Variants in GALNT16 observed in about 807,000 individuals in gnomAD.
The protein encoded by GALNT16 is polypeptide N-acetylgalactosaminyltransferase 16, also known as UDP-GalNAc:polypeptide N-acetylgalactosaminyltransferase-like protein 1.
GALNT16 carries 40 observed loss-of-function variants against 76.1 expected under a neutral mutation model. The ratio of observed to expected loss-of-function variants is 0.53; its 90% confidence interval spans 0.41 to 0.68. The LOEUF is 0.68. GALNT16 is among the 30% of genes least tolerant of loss of function. The probability of loss-of-function intolerance (pLI) is 0.00; values close to 1 mark genes in which losing one functional copy is unlikely to be tolerated. For synonymous variants in GALNT16, 276 were observed against 285.2 expected, an observed-to-expected ratio of 0.97 and a Z score of 0.32; for missense variants, 621 against 731.9, an observed-to-expected ratio of 0.85 and a Z score of 1.75.
At chr14:69,361,556 G>A (rs2045723790), downstream of GALNT16, among the ~76,000 whole-genome samples, 1 of 152,206 alleles carries the variant, frequency 6.6e-6, no homozygotes, top group African/African-American at 2.4e-5. Flanking sequence ...TGAGGACACT[G>A]AGGCCCTGTG....
At chr14:69,282,352 T>G (rs2044555164) in intron 1 of GALNT16, among the ~76,000 whole-genome samples, 1 of 152,078 alleles carries the variant, frequency 6.6e-6, no homozygotes, top group Non-Finnish European at 1.5e-5. Flanking sequence ...CCTCCTTTCT[T>G]TCCAACAGGA....
chr14:69,285,283 C>G (rs1027809506), intron 1 of GALNT16, among the ~76,000 whole-genome samples: 1 of 152,124 alleles, frequency 6.6e-6, no homozygotes, highest in Non-Finnish European at 1.5e-5. Context: ...CTCGGCCTCT[C>G]AAAGTGCTGG....
At chr14:69,291,248 C>A (rs1022293281) in intron 1 of GALNT16, among the ~76,000 whole-genome samples, 2 of 152,302 alleles carry the variant, frequency 1.3e-5, no homozygotes, top group Middle Eastern at 3.4e-3. Flanking sequence ...AAGCCAAGAT[C>A]ATGCCGCTGC....
chr14:69,364,988 G>A, the GALNT16 span, among the ~76,000 whole-genome samples: 19 of 152,318 alleles, frequency 1.2e-4, no homozygotes, highest in South Asian at 3.9e-3. The surrounding 1 kb of genome is among the most constrained non-coding windows in gnomAD (Gnocchi z 4.2). Flanking sequence ...TGTTGTGTGA[G>A]TCTCTCAAAG....
chr14:69,372,316 C>T, the GALNT16 span, among the ~76,000 whole-genome samples: 1 of 152,032 alleles, frequency 6.6e-6, no homozygotes, highest in Non-Finnish European at 1.5e-5. Context: ...GTGTTGGCTG[C>T]AAACACTGAC....
chr14:69,285,527 A>T (rs1471935172), intron 1 of GALNT16, among the ~76,000 whole-genome samples: 1 of 152,212 alleles, frequency 6.6e-6, no homozygotes, highest in East Asian at 1.9e-4. Context: ...AGCCCATCAC[A>T]CACGGAAGCA....
intron 1 of GALNT16, among the ~76,000 whole-genome samples, chr14:69,277,731 A>G (rs548122225): frequency 1.5e-3 from 234 of 152,338 alleles, no homozygotes; most frequent in African/African-American, 5.2e-3. Flanking sequence ...TCCTTTGGGT[A>G]TATACCCAGT....
chr14:69,349,069 T>C (rs2045599928), intron 14 of GALNT16: 1 of 152,356 alleles, frequency 6.6e-6, no homozygotes, highest in African/African-American at 2.4e-5. Flanking sequence ...TGCTGTGCCA[T>C]TCTGGAAAGC....
chr14:69,348,268 G>A (rs2045592781), intron 14 of GALNT16: 1 of 583,232 alleles, frequency 1.7e-6, no homozygotes, highest in Non-Finnish European at 3.0e-6. Context: ...TGTTAACACT[G>A]TATCCCTAGC....
chr14:69,316,147 C>T (rs2045097312), intron 1 of GALNT16, among the ~76,000 whole-genome samples: 1 of 152,128 alleles, frequency 6.6e-6, no homozygotes, highest in African/African-American at 2.4e-5. Flanking sequence ...GAATGACAGT[C>T]CTGCCAGAAG....
At chr14:69,336,471 G>T (rs1439578312) in intron 9 of GALNT16, among the ~76,000 whole-genome samples, 2 of 152,134 alleles carry the variant, frequency 1.3e-5, no homozygotes, top group African/African-American at 2.4e-5. Flanking sequence ...GCCCTTGCCG[G>T]CTCCTCTGCC....
chr14:69,322,975 TGTGTGTGCGCGCGCACGC>T (rs1246255877), intron 2 of GALNT16, among the ~76,000 whole-genome samples: 9 of 44,322 alleles, frequency 2.0e-4, no homozygotes, highest in African/African-American at 1.4e-3. Context: ...TGTGTGTGTG[TGTGTGTGCGCGCGCACGC>T]GCGCACGCAT....
chr14:69,377,478 T>A, the GALNT16 span, among the ~76,000 whole-genome samples: 2 of 152,154 alleles, frequency 1.3e-5, no homozygotes, highest in Non-Finnish European at 2.9e-5. Flanking sequence ...AATACTAGTA[T>A]CATTATGCTA....
chr14:69,280,764 A>G (rs958801711), intron 1 of GALNT16, among the ~76,000 whole-genome samples: 6 of 152,088 alleles, frequency 3.9e-5, no homozygotes, highest in Admixed American at 3.3e-4. Context: ...AGTTGGTGGC[A>G]GATTGGGGGA....
At chr14:69,301,883 G>A (rs1195373182) in intron 1 of GALNT16, among the ~76,000 whole-genome samples, 4 of 152,090 alleles carry the variant, frequency 2.6e-5, no homozygotes, top group East Asian at 3.9e-4. Context: ...CCAGCTACTC[G>A]GGAGGCTGAG....
chr14:69,338,462 C>T (rs530586492), intron 9 of GALNT16, among the ~76,000 whole-genome samples, 189 bp from the exon 10 acceptor site: 118 of 152,274 alleles, frequency 7.7e-4, no homozygotes, highest in African/African-American at 2.7e-3. Context: ...TGCATGTGCA[C>T]GTACACACGT....
intron 1 of GALNT16, among the ~76,000 whole-genome samples, chr14:69,275,903 G>A (rs2044465447): frequency 6.6e-6 from 1 of 152,158 alleles, no homozygotes; most frequent in South Asian, 2.1e-4. Flanking sequence ...CTGAGACTGG[G>A]CAATTTACAA....
At chr14:69,321,154 G>A (rs56110948) in intron 2 of GALNT16, among the ~76,000 whole-genome samples, 1 of 152,194 alleles carries the variant, frequency 6.6e-6, no homozygotes, top group Non-Finnish European at 1.5e-5. Context: ...GAGGTCCGTG[G>A]CAGTGGGTGA....
At chr14:69,282,130 G>T (rs535954539) in intron 1 of GALNT16, among the ~76,000 whole-genome samples, 1 of 152,298 alleles carries the variant, frequency 6.6e-6, no homozygotes, top group East Asian at 1.9e-4. Context: ...GCATGGTGAG[G>T]TTTCATCGCT....
Sources: allele counts gnomAD v4.1 joint callset (sites outside exome capture counted in the v4.1 genomes callset), GRCh38; gene constraint gnomAD v4.1.1; non-coding constraint Gnocchi (gnomAD v3.1); transcripts MANE v1.5; gene names NCBI Gene and HGNC (gene_info 2026-07-23, HGNC 2026-07-21).